The following KIRREL3 variants were observed in gnomAD, a reference collection of about 807,000 sequenced individuals.
The protein encoded by KIRREL3 is kin of IRRE-like protein 3.
A neutral mutation model predicts 89.7 loss-of-function variants in KIRREL3; 36 were observed. The observed-to-expected ratio is 0.40, with a 90% confidence interval of 0.31 to 0.53. The LOEUF is 0.53. Among genes scored for constraint, KIRREL3 ranks in the 20% least tolerant of loss-of-function variants. The probability of loss-of-function intolerance (pLI) is 0.49; values close to 1 mark genes in which losing one functional copy is unlikely to be tolerated. For missense variants in KIRREL3, 864 were observed against 1,056.6 expected, an observed-to-expected ratio of 0.82 and a Z score of 2.53; for synonymous variants, 445 against 441.4, an observed-to-expected ratio of 1.01 and a Z score of -0.10.
At position 126,694,233 on chromosome 11, in the gene KIRREL3, C is replaced by T. The variant is rs1392297953; in HGVS notation, c.56-131321G>A. On this transcript the variant is annotated intron_variant, in intron 1 of 16. Transcript: ENST00000525144. The surrounding 1 kb of genome is among the most constrained non-coding windows in gnomAD (Gnocchi z 4.4). ...AAGGCTCTTTGTTTTTCCCCCAGTC[C>T]GAACTCCTAGCTCATCAAACCTTGG... Among the ~76,000 whole-genome samples the T allele has an allele frequency of 6.6e-6, 1 of 152,180 alleles. No individual in the cohort carries two copies. The highest frequency in any genetic ancestry group is 1.9e-4 in the East Asian group (1 of 5,198).
rs1178508151 is a variant in KIRREL3 at position 126,854,308 on chromosome 11, ATAT to A, written c.55+146144_55+146146del. Among the ~76,000 whole-genome samples the A allele has an allele frequency of 7.9e-5, 12 of 152,266 alleles. 1 individual carries two copies. The highest frequency in any genetic ancestry group is 1.5e-4 in the Non-Finnish European group (10 of 68,018). On this transcript the variant is annotated intron_variant, in intron 1 of 16. Coordinates refer to ENST00000525144, the MANE Select transcript of KIRREL3 (RefSeq NM_032531.4). The stretch of plus-strand genomic sequence containing the variant: ...GTGGCATTAAGTACATTGTACATTC[ATAT>A]TATTATGCAGTATGAATATGCCACT...
intron 4 of KIRREL3, among the ~76,000 whole-genome samples, chr11:126,507,508 C>G (rs1261838528): frequency 6.6e-6 from 1 of 152,182 alleles, no homozygotes; most frequent in Non-Finnish European, 1.5e-5. Context: ...TTCTAATACA[C>G]TATAAAGTTT....
chr11:126,813,098 G>A (rs1042792719), intron 1 of KIRREL3, among the ~76,000 whole-genome samples: 6 of 152,182 alleles, frequency 3.9e-5, no homozygotes, highest in Non-Finnish European at 2.9e-5. Context: ...AATAGGGCTC[G>A]TGTCTCCTTG....
In KIRREL3 at chr11:126,989,070, A is replaced by G. The variant is rs1949951402; in HGVS notation, c.55+11385T>C. 6.6e-6 allele frequency among the ~76,000 whole-genome samples: 1 copy of G among 152,208 alleles called. No homozygotes were observed. The highest frequency in any genetic ancestry group is 2.4e-5 in the African/African-American group (1 of 41,464). On this transcript the variant is annotated intron_variant, in intron 1 of 16. Transcript: ENST00000525144. The surrounding 1 kb of genome is among the most constrained non-coding windows in gnomAD (Gnocchi z 6.2). Reference sequence around the variant, plus strand: ...AGGTCAAACACCTCGTTGGTATAACATCTTTTAATTTGAGGAGGAGCTCAG... The same window carrying G: ...AGGTCAAACACCTCGTTGGTATAACGTCTTTTAATTTGAGGAGGAGCTCAG...
At position 126,908,113 on chromosome 11, in the gene KIRREL3, T is replaced by C. The variant is rs1592329348; in HGVS notation, c.55+92342A>G. 2.0e-5 allele frequency among the ~76,000 whole-genome samples: 3 copies of C among 152,340 alleles called. No homozygotes were observed. Among genetic ancestry groups the C allele is most frequent in the Middle Eastern group, 3.4e-3 (1 of 294 alleles). On this transcript the variant is annotated intron_variant, in intron 1 of 16. Transcript: ENST00000525144. The surrounding 1 kb of genome is among the most constrained non-coding windows in gnomAD (Gnocchi z 4.2). ...AATCTGTTATGTATGTTGTTTATGATCCTGCCCCCTCCCGTCAGAATGCAA... is the reference window on the plus strand; with the variant it reads ...AATCTGTTATGTATGTTGTTTATGACCCTGCCCCCTCCCGTCAGAATGCAA...
In KIRREL3 at chr11:126,686,244, C is replaced by A. The variant is rs888757761; in HGVS notation, c.56-123332G>T. On this transcript the variant is annotated intron_variant, in intron 1 of 16. Transcript: ENST00000525144. This position sits in a 1 kb window ranked among gnomAD's most constrained non-coding sequence, Gnocchi z 4.7. Reference sequence around the variant, plus strand: ...TGGCGCGGGTGTGGAGGCAGGTCTCCATGGATTGTACGGCTTTCCCAAGGC... The same window carrying A: ...TGGCGCGGGTGTGGAGGCAGGTCTCAATGGATTGTACGGCTTTCCCAAGGC... Among the ~76,000 whole-genome samples the A allele has an allele frequency of 2.0e-5, 3 of 152,186 alleles. No individual in the cohort carries two copies. Among genetic ancestry groups the A allele is most frequent in the Admixed American group, 1.3e-4 (2 of 15,280 alleles).
rs1957521351 is a variant in KIRREL3, at chr11:126,491,720, T to A, written c.434-18254A>T. On this transcript the variant is annotated intron_variant, in intron 4 of 16. Coordinates refer to ENST00000525144, the MANE Select transcript of KIRREL3 (RefSeq NM_032531.4). This position sits in a 1 kb window ranked among gnomAD's most constrained non-coding sequence, Gnocchi z 5.5. ...TTTCTTTTTTCTTTTTTTTTATATT[T>A]ATACGGAGTCTTGCTCTGTCACCCA... is the stretch of plus-strand genomic sequence containing the variant. Among the ~76,000 whole-genome samples, 1 of 152,112 alleles carries A rather than the reference T, an allele frequency of 6.6e-6. No homozygotes were observed. Among genetic ancestry groups the A allele is most frequent in the Admixed American group, 6.5e-5 (1 of 15,274 alleles).
intron 4 of KIRREL3, among the ~76,000 whole-genome samples, chr11:126,497,217 AGAGT>A (rs1307576091): frequency 1.1e-3 from 62 of 56,328 alleles, no homozygotes; most frequent in Middle Eastern, 9.6e-3. Flanking sequence ...TGAGTGTGTG[AGAGT>A]GAGTGTGTGT....
intron 1 of KIRREL3, among the ~76,000 whole-genome samples, chr11:126,957,490 G>A (rs1165027597): frequency 2.0e-5 from 3 of 152,198 alleles, no homozygotes; most frequent in Non-Finnish European, 4.4e-5. Flanking sequence ...GCCACGGGAA[G>A]GTGAGAGCTC....
intron 4 of KIRREL3, among the ~76,000 whole-genome samples, chr11:126,478,605 GCA>G (rs1180830100): frequency 6.9e-6 from 1 of 144,636 alleles, no homozygotes; most frequent in African/African-American, 2.7e-5. Context: ...ATATGTATAT[GCA>G]TGTATATGTG....
At chr11:126,871,528 T>C in intron 1 of KIRREL3, among the ~76,000 whole-genome samples, 1 of 152,194 alleles carries the variant, frequency 6.6e-6, no homozygotes, top group South Asian at 2.1e-4. Context: ...GTATGAGGCT[T>C]CTGAATAAAG....
rs1304549566 is a variant in KIRREL3 at position 126,541,646 on chromosome 11, A to C, written c.134-14959T>G. On this transcript the variant is annotated intron_variant, in intron 2 of 16. Coordinates refer to ENST00000525144, the MANE Select transcript of KIRREL3 (RefSeq NM_032531.4). This position sits in a 1 kb window ranked among gnomAD's most constrained non-coding sequence, Gnocchi z 4.8. ...CAGTTTCCTGGGCTCCAACTCAGAG[A>C]TTCTGGGATAGTGGCTCTGAGCTGG... Among the ~76,000 whole-genome samples, 2 of 152,174 alleles carry C rather than the reference A, an allele frequency of 1.3e-5. No individual in the cohort carries two copies. Among genetic ancestry groups the C allele is most frequent in the African/African-American group, 4.8e-5 (2 of 41,460 alleles).
chr11:126,604,976 G>A (rs1476104060), intron 1 of KIRREL3, among the ~76,000 whole-genome samples: 2 of 152,230 alleles, frequency 1.3e-5, no homozygotes, highest in Non-Finnish European at 2.9e-5. Flanking sequence ...AACGGCATAT[G>A]TAAAAGTGCA....
chr11:126,695,406 C>CAAAAAAAAAAAAAAAAAAAAAAAAAAA (rs36034228), intron 1 of KIRREL3, among the ~76,000 whole-genome samples: 1 of 64,350 alleles, frequency 1.6e-5, no homozygotes, highest in Non-Finnish European at 2.9e-5. Flanking sequence ...TTAGCTTTAC[C>CAAAAAAAAAAAAAAAAAAAAAAAAAAA]AAAAAAAAAA....
rs12273056 is a variant in KIRREL3 at position 126,537,687 on chromosome 11, C to T, written c.134-11000G>A. Among the ~76,000 whole-genome samples, 3 of 152,090 alleles carry T rather than the reference C, an allele frequency of 2.0e-5. No individual in the cohort carries two copies. The highest frequency in any genetic ancestry group is 4.4e-5 in the Non-Finnish European group (3 of 68,012). On this transcript the variant is annotated intron_variant, in intron 2 of 16. Transcript: ENST00000525144. The surrounding 1 kb of genome is among the most constrained non-coding windows in gnomAD (Gnocchi z 4.3). ...GTGTGATCTGAGGCCAGTGACTCAC[C>T]CTTTCTGAGCTTCAGTTTCCCTATC...
At chr11:126,882,417 G>C (rs1402365489) in intron 1 of KIRREL3, among the ~76,000 whole-genome samples, 10 of 152,132 alleles carry the variant, frequency 6.6e-5, no homozygotes, top group African/African-American at 2.4e-4. Context: ...AACTGAACTA[G>C]CAACACAAAT....
intron 1 of KIRREL3, among the ~76,000 whole-genome samples, chr11:126,786,498 G>T (rs1478018005): frequency 2.6e-5 from 4 of 152,008 alleles, no homozygotes; most frequent in African/African-American, 4.8e-5. Context: ...ACATAATAAT[G>T]GTCATCAATA....
At chr11:126,973,671 T>C (rs1351808050) in intron 1 of KIRREL3, among the ~76,000 whole-genome samples, 1 of 152,194 alleles carries the variant, frequency 6.6e-6, no homozygotes, top group African/African-American at 2.4e-5. Context: ...GGCAAGCAAC[T>C]CAATAGCATT....
At chr11:126,667,497 C>T (rs1038977351) in intron 1 of KIRREL3, among the ~76,000 whole-genome samples, 1 of 152,050 alleles carries the variant, frequency 6.6e-6, no homozygotes, top group Non-Finnish European at 1.5e-5. Context: ...ACTCCCAATG[C>T]GAGGTGAAGG....
Sources: allele counts gnomAD v4.1 joint callset (sites outside exome capture counted in the v4.1 genomes callset), GRCh38; gene constraint gnomAD v4.1.1; non-coding constraint Gnocchi (gnomAD v3.1); transcripts MANE v1.5; gene names NCBI Gene and HGNC (gene_info 2026-07-23, HGNC 2026-07-21).